ARL13A: variants seen among roughly 807,000 people sequenced by gnomAD.
The protein encoded by ARL13A is ADP-ribosylation factor-like protein 13A.
ARL13A carries 16 observed loss-of-function variants against 19.1 expected under a neutral mutation model. The observed-to-expected ratio is 0.84, with a 90% CI of 0.57 to 1.27. The LOEUF is 1.27. ARL13A is among the 50% of genes most tolerant of loss of function. The pLI is 0.00. For synonymous variants in ARL13A, 69 were observed against 71.3 expected, an observed-to-expected ratio of 0.97 and a Z score of 0.17; for missense variants, 153 against 186.4, an observed-to-expected ratio of 0.82 and a Z score of 1.04.
chrX:100,984,291 G>GA (rs2085906501), intron 3 of ARL13A, among the ~76,000 whole-genome samples: 1 of 100,978 alleles, frequency 9.9e-6, no homozygotes. Context: ...GTTGTTTTTT[G>GA]TTTTTTTTTT....
At chrX:100,978,677 A>G (rs57729449) in intron 3 of ARL13A, among the ~76,000 whole-genome samples, 3,377 of 109,588 alleles carry the variant, frequency 0.031, 128 homozygotes, top group African/African-American at 0.1. Context: ...TGGAGAGTTT[A>G]GTCCATTTAT....
intron 7 of ARL13A, chrX:100,990,337 GA>G (rs1222051393): frequency 3.9e-5 from 36 of 915,350 alleles, no homozygotes; most frequent in Non-Finnish European, 4.3e-5. Context: ...TTTCAACAGA[GA>G]AAGTAAAAGA....
At chrX:100,973,991 G>T (rs775292049) in intron 2 of ARL13A, 136 bp from the exon 3 acceptor site, 34 of 573,246 alleles carry the variant, frequency 5.9e-5, no homozygotes, top group Non-Finnish European at 8.2e-5. Context: ...TACTGCTTTG[G>T]CTGGGCCTTT....
In ARL13A at chrX:100,987,481, G is replaced by T. The variant is rs199879177; in HGVS notation, c.578G>T (p.Cys193Phe). The stretch of plus-strand genomic sequence containing the variant: ...TGGCTATTAGCTGTCATTGATACTT[G>T]CCAACTACCACCTACCTCGAGCATC... ...LRWLLAVIDT[C>F]QLPPTSSISI... The change falls in exon 6 of 8, where the codon TGC becomes TTC. Residue 193 changes from cysteine (C) to phenylalanine (F), a missense_variant. Coordinates refer to ENST00000450049, the MANE Select transcript of ARL13A (RefSeq NM_001162491.2). 52 of 1,209,632 alleles carry T rather than the reference G, an allele frequency of 4.3e-5. No individual in the cohort carries two copies. The Middle Eastern group carries it at 1.1e-3, about 27-fold the overall frequency.
intron 7 of ARL13A, 67 bp downstream of exon 7, chrX:100,988,350 TC>T: frequency 8.3e-7 from 1 of 1,205,065 alleles, no homozygotes; most frequent in Non-Finnish European, 1.1e-6. Context: ...CAACTAACTT[TC>T]CCCCCCATCA....
chrX:100,970,175 T>G (rs1210163563), intron 1 of ARL13A, among the ~76,000 whole-genome samples: 1 of 112,691 alleles, frequency 8.9e-6, no homozygotes, highest in Non-Finnish European at 1.9e-5. Context: ...TTCAGGCTCC[T>G]GGTCATATCA....
chrX:100,989,601 T>TC (rs764128908), intron 7 of ARL13A, among the ~76,000 whole-genome samples: 1 of 100,229 alleles, frequency 1.0e-5, no homozygotes, highest in South Asian at 4.7e-4. Flanking sequence ...AGAGCGGGAC[T>TC]CCATCTCAAA....
chrX:100,986,754 A>T, intron 4 of ARL13A, 42 bp from the exon 5 acceptor site: 1 of 975,149 alleles, frequency 1.0e-6, no homozygotes, highest in South Asian at 2.5e-5. Context: ...TTTTGGTTTC[A>T]CTCTTCCACT....
At chrX:100,976,601 T>C (rs748221990) in intron 3 of ARL13A, among the ~76,000 whole-genome samples, 1 of 112,083 alleles carries the variant, frequency 8.9e-6, no homozygotes, top group East Asian at 2.8e-4. Context: ...ATGTTTTTGT[T>C]GTTGTTGTTA....
intron 4 of ARL13A, 47 bp downstream of exon 4, chrX:100,985,963 C>A (rs1399517089): frequency 3.4e-6 from 4 of 1,162,875 alleles, no homozygotes; most frequent in South Asian, 2.0e-5. Context: ...AATTTGTACC[C>A]TTAAAAGTAT....
chrX:100,970,476 G>A (rs192526477), intron 1 of ARL13A, among the ~76,000 whole-genome samples: 5 of 112,236 alleles, frequency 4.5e-5, no homozygotes, highest in African/African-American at 1.6e-4. Context: ...AAAGCCCATC[G>A]AAGCATTAAC....
rs750047545 is a variant in ARL13A, at chrX:100,988,174, C to G, written c.654-19C>G. The G allele has an allele frequency of 2.1e-5, 25 of 1,179,841 alleles. No homozygotes were observed. The South Asian group carries it at 4.4e-4, about 21-fold the overall frequency. ...GTGTGTCCGTTTCTACTACTGCTGTCCTTTCCATCTTCCACCAGCTTCTCC... is the reference window on the plus strand; with the variant it reads ...GTGTGTCCGTTTCTACTACTGCTGTGCTTTCCATCTTCCACCAGCTTCTCC... On this transcript the variant is annotated intron_variant, in intron 6 of 7. Coordinates refer to ENST00000450049, the MANE Select transcript of ARL13A (RefSeq NM_001162491.2).
chrX:100,970,468 A>C (rs748316562), intron 1 of ARL13A, among the ~76,000 whole-genome samples: 160 of 112,422 alleles, frequency 1.4e-3, no homozygotes, highest in Non-Finnish European at 2.5e-3. Flanking sequence ...AGCTAAGCAA[A>C]GCCCATCGAA....
chrX:100,990,204 TG>T, intron 7 of ARL13A: 1 of 269,417 alleles, frequency 3.7e-6, no homozygotes, highest in Non-Finnish European at 5.2e-6. Flanking sequence ...GGGCACCTCA[TG>T]GGGTGCAGTC....
intron 1 of ARL13A, 52 bp from the exon 2 acceptor site, chrX:100,973,624 G>A (rs895210751): frequency 8.9e-7 from 1 of 1,122,987 alleles, no homozygotes. Context: ...TAAAGGCTCA[G>A]TGTTTATAAC....
At chrX:100,987,703 A>G (rs2085956349) in intron 6 of ARL13A, 147 bp downstream of exon 6, 4 of 590,018 alleles carry the variant, frequency 6.8e-6, no homozygotes, top group Non-Finnish European at 1.0e-5. Flanking sequence ...GGGCTAGGGC[A>G]GTGCCCACCA....
chrX:100,971,272 T>A (rs2085644935), intron 1 of ARL13A, among the ~76,000 whole-genome samples: 2 of 98,804 alleles, frequency 2.0e-5, no homozygotes, highest in South Asian at 1.1e-3. Context: ...TTGTATAAAA[T>A]CTCTAATAGT....
At chrX:100,977,085 G>A (rs1044113537) in intron 3 of ARL13A, among the ~76,000 whole-genome samples, 6 of 111,449 alleles carry the variant, frequency 5.4e-5, no homozygotes, top group Admixed American at 4.8e-4. Flanking sequence ...TATGAGATAC[G>A]TGAGATACGT....
intron 7 of ARL13A, chrX:100,988,685 C>A: frequency 2.2e-6 from 1 of 450,556 alleles, no homozygotes; most frequent in Non-Finnish European, 3.0e-6. Context: ...AGGAGAAAAG[C>A]ACCTTCCTGT....
Sources: allele counts gnomAD v4.1 joint callset (sites outside exome capture counted in the v4.1 genomes callset), GRCh38; gene constraint gnomAD v4.1.1; transcripts MANE v1.5; gene names NCBI Gene and HGNC (gene_info 2026-07-23, HGNC 2026-07-21).